The following USP15 variants were observed in gnomAD, a reference collection of about 807,000 sequenced individuals.
USP15 encodes ubiquitin specific peptidase 15, also known as ubiquitin carboxyl-terminal hydrolase 15.
In USP15, 18 loss-of-function variants were observed where a neutral mutation model predicts 127.1. That is an observed-to-expected ratio of 0.14 (90% CI 0.10 to 0.21). The LOEUF is 0.21. USP15 is among the 10% of genes least tolerant of loss of function. The pLI is 1.00. For missense variants in USP15, 805 were observed against 1,159.9 expected, an observed-to-expected ratio of 0.69 and a Z score of 4.44; for synonymous variants, 364 against 393.7, an observed-to-expected ratio of 0.92 and a Z score of 0.89.
intron 5 of USP15, among the ~76,000 whole-genome samples, chr12:62,324,915 T>A (rs1214207473): frequency 6.6e-6 from 1 of 151,988 alleles, no homozygotes; most frequent in Non-Finnish European, 1.5e-5. Context: ...GAGTAGTTTA[T>A]GAAATTGCAA....
chr12:62,380,575 A>G (rs1208012220), intron 8 of USP15, among the ~76,000 whole-genome samples: 3 of 152,088 alleles, frequency 2.0e-5, no homozygotes. Flanking sequence ...GCAAGCAACT[A>G]GCTTCCTTGC....
At chr12:62,348,538 G>A (rs1286611375) in intron 6 of USP15, among the ~76,000 whole-genome samples, 1 of 152,082 alleles carries the variant, frequency 6.6e-6, no homozygotes, top group Admixed American at 6.6e-5. Context: ...ATTACAAGGG[G>A]AAATAAAACT....
At chr12:62,277,852 T>G (rs918899898) in intron 1 of USP15, among the ~76,000 whole-genome samples, 1 of 152,162 alleles carries the variant, frequency 6.6e-6, no homozygotes, top group African/African-American at 2.4e-5. Context: ...TGCTGTAATC[T>G]TTATAAACAC....
intron 1 of USP15, among the ~76,000 whole-genome samples, chr12:62,281,559 G>C (rs1375635659): frequency 6.6e-6 from 1 of 152,078 alleles, no homozygotes; most frequent in Non-Finnish European, 1.5e-5. Context: ...GGCTGGTCTT[G>C]AACTCCTGGC....
At chr12:62,296,763 C>G (rs778185948) in intron 2 of USP15, among the ~76,000 whole-genome samples, 36 of 152,126 alleles carry the variant, frequency 2.4e-4, no homozygotes, top group Admixed American at 3.9e-4. Flanking sequence ...TTTATTTTGC[C>G]CACATCAGCC....
At chr12:62,295,061 T>G (rs2064087791) in intron 2 of USP15, among the ~76,000 whole-genome samples, 2 of 152,208 alleles carry the variant, frequency 1.3e-5, no homozygotes, top group South Asian at 4.1e-4. Context: ...GTTTGCAGTC[T>G]AGGAAAACCA....
intron 19 of USP15, among the ~76,000 whole-genome samples, chr12:62,394,318 C>T (rs11174458): frequency 0.22 from 34,092 of 152,072 alleles, 4,159 homozygotes; most frequent in African/African-American, 0.34. Context: ...CCAAAATGTA[C>T]TTGATACAGT....
At chr12:62,341,846 G>A (rs927812483) in intron 6 of USP15, among the ~76,000 whole-genome samples, 4 of 152,084 alleles carry the variant, frequency 2.6e-5, no homozygotes, top group Non-Finnish European at 5.9e-5. Flanking sequence ...AGAATCTGAC[G>A]ATTATGTGTC....
At chr12:62,338,460 T>G (rs1381819589) in intron 6 of USP15, among the ~76,000 whole-genome samples, 1 of 152,222 alleles carries the variant, frequency 6.6e-6, no homozygotes, top group African/African-American at 2.4e-5. Context: ...TCTTTTCCTG[T>G]GTAGAAGCTC....
chr12:62,286,550 A>ATT (rs2063792058), intron 1 of USP15, among the ~76,000 whole-genome samples: 11 of 152,208 alleles, frequency 7.2e-5, no homozygotes, highest in Admixed American at 5.9e-4. Context: ...TACCAAAAAG[A>ATT]CACTTACACT....
At chr12:62,281,080 G>A (rs1386179397) in intron 1 of USP15, among the ~76,000 whole-genome samples, 1 of 152,108 alleles carries the variant, frequency 6.6e-6, no homozygotes, top group Non-Finnish European at 1.5e-5. Context: ...GTAATCTGTT[G>A]ATTCCGTTCT....
Position 62,321,498 on chromosome 12 carries a change from T to C in USP15, c.510T>C (p.Ser170=). Reference sequence around the variant, plus strand: ...AAAAGGAAATAAGAAAAATCTTCAGTATTCCAGATGAAAAGGAGACCAGAT... The same window carrying C: ...AAAAGGAAATAAGAAAAATCTTCAGCATTCCAGATGAAAAGGAGACCAGAT... ...TIEKEIRKIF[S]IPDEKETRLW... The change falls in exon 5 of 22, where the codon AGT becomes AGC. Residue 170 remains serine, a synonymous_variant. Coordinates refer to ENST00000280377, the MANE Select transcript of USP15 (RefSeq NM_001252078.2). The C allele has an allele frequency of 6.2e-7, 1 of 1,601,942 alleles. No homozygotes were observed. Among genetic ancestry groups the C allele is most frequent in the Non-Finnish European group, 8.5e-7 (1 of 1,172,900 alleles).
intron 1 of USP15, among the ~76,000 whole-genome samples, chr12:62,281,770 A>G (rs1176817993): frequency 2.0e-5 from 3 of 152,228 alleles, no homozygotes; most frequent in Non-Finnish European, 2.9e-5. Context: ...CAAATGGGAA[A>G]GTCTCCTATC....
intron 5 of USP15, among the ~76,000 whole-genome samples, chr12:62,325,001 A>C (rs1256247314): frequency 2.6e-5 from 4 of 152,026 alleles, no homozygotes; most frequent in Non-Finnish European, 5.9e-5. Flanking sequence ...ATTTCACGTC[A>C]TATTGTCTGT....
intron 7 of USP15, among the ~76,000 whole-genome samples, chr12:62,353,283 C>G (rs2066016550): frequency 6.6e-6 from 1 of 151,940 alleles, no homozygotes; most frequent in South Asian, 2.1e-4. Flanking sequence ...AACCAAAAAA[C>G]TGCTTTGCAA....
chr12:62,385,065 A>G (rs2067106427), intron 11 of USP15, among the ~76,000 whole-genome samples: 1 of 151,908 alleles, frequency 6.6e-6, no homozygotes, highest in African/African-American at 2.4e-5. Flanking sequence ...TAATTTTGTT[A>G]TAACTTTTGG....
intron 2 of USP15, among the ~76,000 whole-genome samples, chr12:62,300,281 G>T (rs1284709950): frequency 1.3e-5 from 2 of 151,854 alleles, no homozygotes; most frequent in Non-Finnish European, 2.9e-5. Flanking sequence ...TATAGTTTTG[G>T]CTGTTACATT....
intron 3 of USP15, among the ~76,000 whole-genome samples, chr12:62,311,935 A>G (rs2064692406): frequency 6.6e-6 from 1 of 151,852 alleles, no homozygotes; most frequent in Admixed American, 6.6e-5. Context: ...TTTAGGTGTG[A>G]TGATGGTATT....
intron 6 of USP15, 102 bp from the exon 7 acceptor site, chr12:62,349,119 G>A (rs1430668071): frequency 1.6e-6 from 1 of 615,174 alleles, no homozygotes; most frequent in East Asian, 3.3e-5. Context: ...CTATTTTTCA[G>A]CATTCATTTA....
Sources: allele counts gnomAD v4.1 joint callset (sites outside exome capture counted in the v4.1 genomes callset), GRCh38; gene constraint gnomAD v4.1.1; transcripts MANE v1.5; gene names NCBI Gene and HGNC (gene_info 2026-07-23, HGNC 2026-07-21).